MYO18B: variants seen among roughly 807,000 people sequenced by gnomAD.
The protein encoded by MYO18B is myosin XVIIIB, also known as unconventional myosin-XVIIIb.
MYO18B carries 204 observed loss-of-function variants against 273.0 expected under a neutral mutation model. That is an observed-to-expected ratio of 0.75 (90% confidence interval 0.67 to 0.84). MYO18B has a LOEUF of 0.84. Ranked by LOEUF, MYO18B falls within the 40% of genes least tolerant of loss-of-function variation. MYO18B has a pLI of 0.00. For synonymous variants in MYO18B, 1,330 were observed against 1,305.7 expected, an observed-to-expected ratio of 1.02 and a Z score of -0.40; for missense variants, 3,212 against 3,287.6, an observed-to-expected ratio of 0.98 and a Z score of 0.56.
rs566709158 is a variant in MYO18B at position 25,926,866 on chromosome 22, G to A, written c.5517+5457G>A. On this transcript the variant is annotated intron_variant, in intron 34 of 43. Transcript: ENST00000335473. ...CCAGCTGAAGCCATGGCAGAAGAAC[G>A]TGGATTGTAAAGATTCCATGGACAT... Among the ~76,000 whole-genome samples, 64 of 152,312 alleles carry A rather than the reference G, an allele frequency of 4.2e-4. No individual in the cohort carries two copies. The South Asian group carries it at 0.011, about 25-fold the overall frequency.
chr22:26,007,296 G>A (rs1287766553), intron 42 of MYO18B, among the ~76,000 whole-genome samples: 1 of 152,138 alleles, frequency 6.6e-6, no homozygotes, highest in East Asian at 1.9e-4. Flanking sequence ...AATTGTATTT[G>A]GTCACAGCTC....
chr22:25,988,923 G>A (rs1458318519), intron 39 of MYO18B, among the ~76,000 whole-genome samples: 1 of 152,150 alleles, frequency 6.6e-6, no homozygotes, highest in Non-Finnish European at 1.5e-5. Flanking sequence ...CCGGCAGCTC[G>A]GCTCCAGAGC....
downstream of MYO18B, among the ~76,000 whole-genome samples, chr22:26,031,816 A>G (rs1936674820): frequency 2.0e-5 from 3 of 152,212 alleles, no homozygotes; most frequent in African/African-American, 7.2e-5. Context: ...CTGATGGAGC[A>G]CGTTGGTGGA....
rs1249809132 is a variant in MYO18B, at chr22:25,952,277, T to C, written c.5833-9T>C. ...ACAGATGTCCAATAGACTTCTCTCA[T>C]ACTTACAGCTGCAGGTGGCTCAGAT... is the stretch of plus-strand genomic sequence containing the variant. On this transcript the variant is annotated splice_polypyrimidine_tract_variant and intron_variant, in intron 37 of 43. Coordinates refer to ENST00000335473, the MANE Select transcript of MYO18B (RefSeq NM_032608.7). 10 of 1,607,588 alleles carry C rather than the reference T, an allele frequency of 6.2e-6. No homozygotes were observed. The highest frequency in any genetic ancestry group is 7.6e-6 in the Non-Finnish European group (9 of 1,177,548).
chr22:25,922,293 G>A (rs994430311), intron 34 of MYO18B, among the ~76,000 whole-genome samples: 1 of 152,196 alleles, frequency 6.6e-6, no homozygotes, highest in Non-Finnish European at 1.5e-5. Flanking sequence ...TGGTAGGGAG[G>A]TGAGGCCGGA....
intron 23 of MYO18B, among the ~76,000 whole-genome samples, chr22:25,875,546 C>A (rs986342226): frequency 6.6e-6 from 1 of 152,100 alleles, no homozygotes; most frequent in South Asian, 2.1e-4. Context: ...CAATGCTTCT[C>A]AAACTGTGGT....
chr22:25,772,298 G>A (rs749113632), intron 6 of MYO18B, 36 bp from the exon 7 acceptor site: 19 of 1,592,422 alleles, frequency 1.2e-5, no homozygotes, highest in Admixed American at 1.7e-5. Flanking sequence ...CAGAAGGCCA[G>A]AAGGCCAGAG....
At chr22:25,871,928 C>T (rs141338265) in intron 22 of MYO18B, among the ~76,000 whole-genome samples, 85 of 152,228 alleles carry the variant, frequency 5.6e-4, no homozygotes, top group Middle Eastern at 3.4e-3. Flanking sequence ...TGGCAGCACC[C>T]GCCATCTATT....
chr22:25,879,781 G>A (rs695463), intron 25 of MYO18B, among the ~76,000 whole-genome samples: 74,036 of 152,114 alleles, frequency 0.49, 18,376 homozygotes, highest in Admixed American at 0.61. Flanking sequence ...AGGCTGTACA[G>A]GAAGCATGGC....
At chr22:26,042,140 C>T in the MYO18B span, among the ~76,000 whole-genome samples, 6 of 152,352 alleles carry the variant, frequency 3.9e-5, no homozygotes, top group East Asian at 1.9e-4. Context: ...GCTGGAACTG[C>T]GCCCTGGGTT....
At chr22:25,878,737 G>A (rs555245278) in intron 25 of MYO18B, among the ~76,000 whole-genome samples, 1 of 152,362 alleles carries the variant, frequency 6.6e-6, no homozygotes, top group Admixed American at 6.5e-5. Flanking sequence ...GTAGCCAAGT[G>A]TTGGCAAGGT....
the MYO18B span, among the ~76,000 whole-genome samples, chr22:26,052,863 C>T: frequency 7.4e-5 from 11 of 147,836 alleles, no homozygotes; most frequent in South Asian, 2.1e-3. Context: ...AGTGCAGTGG[C>T]GTGATCTCGG....
chr22:25,750,274 G>A (rs993267719), intron 1 of MYO18B, among the ~76,000 whole-genome samples: 2 of 152,310 alleles, frequency 1.3e-5, no homozygotes, highest in East Asian at 1.9e-4. Context: ...GAGGGAGAGT[G>A]AGTGAAGACA....
At chr22:25,788,261 C>G (rs2087486453) in intron 11 of MYO18B, among the ~76,000 whole-genome samples, 1 of 152,142 alleles carries the variant, frequency 6.6e-6, no homozygotes, top group Non-Finnish European at 1.5e-5. Context: ...CAAGCCTGGG[C>G]TAGTTACTGG....
intron 1 of MYO18B, among the ~76,000 whole-genome samples, chr22:25,752,757 C>T (rs911235382): frequency 5.3e-5 from 8 of 152,364 alleles, no homozygotes; most frequent in African/African-American, 1.9e-4. Context: ...TCCACTCTGG[C>T]CATGCTTGAG....
intron 11 of MYO18B, among the ~76,000 whole-genome samples, chr22:25,787,331 A>C (rs537769631): frequency 1.3e-4 from 19 of 148,266 alleles, no homozygotes; most frequent in Non-Finnish European, 2.4e-4. Flanking sequence ...CACAGTGCTG[A>C]GTATTATCTG....
the MYO18B span, among the ~76,000 whole-genome samples, chr22:26,052,315 T>A: frequency 6.6e-6 from 1 of 152,218 alleles, no homozygotes; most frequent in African/African-American, 2.4e-5. Flanking sequence ...TCATACATTA[T>A]CTTCTTGTCG....
intron 21 of MYO18B, among the ~76,000 whole-genome samples, chr22:25,862,988 A>G (rs1299339238): frequency 1.3e-5 from 2 of 152,124 alleles, no homozygotes; most frequent in East Asian, 1.9e-4. Context: ...CTGAGGCTCT[A>G]TTTATTTTTC....
intron 33 of MYO18B, among the ~76,000 whole-genome samples, chr22:25,914,769 T>C (rs2092231223): frequency 7.8e-6 from 1 of 128,378 alleles, no homozygotes; most frequent in Non-Finnish European, 1.6e-5. Flanking sequence ...CGATCTCAGC[T>C]CACTGCAAGC....
Sources: gnomAD v4.1 joint callset for allele counts (sites outside exome capture counted in the v4.1 genomes callset) on GRCh38, gnomAD v4.1.1 for gene constraint, MANE v1.5 for transcripts, NCBI Gene and HGNC (gene_info 2026-07-23, HGNC 2026-07-21) for gene names.